ATM: variants seen among roughly 807,000 people sequenced by gnomAD.
ATM encodes ATM serine/threonine kinase.
Under a neutral mutation model 387.0 loss-of-function variants are expected in ATM, and 308 were observed. That is an observed-to-expected ratio of 0.80 (90% confidence interval 0.73 to 0.87). The LOEUF is 0.87. Among genes scored for constraint, ATM ranks in the 40% least tolerant of loss-of-function variants. The pLI, the probability that ATM is intolerant of heterozygous loss-of-function variation, is 0.00. For synonymous variants in ATM, 1,156 were observed against 1,187.3 expected (o/e 0.97, Z 0.54); for missense variants, 3,312 against 3,560.9 (o/e 0.93, Z 1.78).
In ATM at chr11:108,343,677, T is replaced by C. The variant is rs75498514; in HGVS notation, c.8418+306T>C. On this transcript the variant is annotated intron_variant, in intron 57 of 62. Coordinates refer to ENST00000675843, the MANE Select transcript of ATM (RefSeq NM_000051.4). ...CAAAACACTAAAATGCCAGGCACGA[T>C]GGCATGCACCTGTAATCCCAGCTAC... Among the ~76,000 whole-genome samples the C allele has an allele frequency of 2.6e-3, 395 of 152,290 alleles. 2 individuals carry two copies. Among genetic ancestry groups the C allele is most frequent in the African/African-American group, 9.2e-3 (382 of 41,560 alleles).
chr11:108,309,138 T>G, intron 38 of ATM: 1 of 890,372 alleles, frequency 1.1e-6, no homozygotes, highest in Non-Finnish European at 1.8e-6. Context: ...AAGCTTGTGC[T>G]GTGTAAAAAT....
chr11:108,299,461 C>G (rs540181242), intron 33 of ATM: 179 of 373,270 alleles, frequency 4.8e-4, no homozygotes, highest in Non-Finnish European at 8.6e-4. Context: ...CCACGCCTGG[C>G]TAATTTTGTA....
chr11:108,229,542 A>G, intron 4 of ATM: 1 of 481,366 alleles, frequency 2.1e-6, no homozygotes, highest in African/African-American at 2.0e-5. Context: ...TTTAGAAGGA[A>G]CAAAGAAATC....
At chr11:108,284,115 A>G (rs1280133675) in intron 25 of ATM, 112 bp from the exon 26 acceptor site, 2 of 784,672 alleles carry the variant, frequency 2.5e-6, no homozygotes, top group Non-Finnish European at 3.9e-6. Context: ...AATCTGGATA[A>G]AGTATGATAC....
chr11:108,299,711 T>C lies in ATM; in HGVS notation c.5006-3T>C, dbSNP rs761297488. 1.2e-6 allele frequency: 2 copies of C among 1,613,336 alleles called. No individual in the cohort carries two copies. Among genetic ancestry groups the C allele is most frequent in the African/African-American group, 2.7e-5 (2 of 74,922 alleles). On this transcript the variant is annotated splice_polypyrimidine_tract_variant and splice_region_variant and intron_variant, in intron 33 of 62. Coordinates refer to ENST00000675843, the MANE Select transcript of ATM (RefSeq NM_000051.4). ...TCTACTGAAATAGAATTTCTATATG[T>C]AGAGGCTGTTGGAAGCTGCTTGGGA...
intron 4 of ATM, among the ~76,000 whole-genome samples, chr11:108,233,037 T>G (rs919035905): frequency 2.0e-5 from 3 of 152,100 alleles, no homozygotes; most frequent in African/African-American, 4.8e-5. Flanking sequence ...TAATTTTGTA[T>G]TTTTAGTAGA....
chr11:108,304,470 T>C (rs148606456), intron 36 of ATM, among the ~76,000 whole-genome samples: 42 of 152,358 alleles, frequency 2.8e-4, no homozygotes, highest in African/African-American at 9.4e-4. Context: ...TTGATATTGA[T>C]ATACTAGCCT....
intron 39 of ATM, 88 bp from the exon 40 acceptor site, chr11:108,312,322 GT>G: frequency 1.0e-6 from 1 of 996,560 alleles, no homozygotes; most frequent in African/African-American, 1.6e-5. Context: ...ACCTTCATTA[GT>G]TTTTTTCTGT....
chr11:108,359,477 A>G (rs1254803461), intron 61 of ATM, among the ~76,000 whole-genome samples: 1 of 152,024 alleles, frequency 6.6e-6, no homozygotes, highest in African/African-American at 2.4e-5. Flanking sequence ...CTCCACCCCA[A>G]ATCAACAGAA....
chr11:108,316,977 A>T (rs1174372834), intron 42 of ATM, among the ~76,000 whole-genome samples: 1 of 151,544 alleles, frequency 6.6e-6, no homozygotes, highest in Non-Finnish European at 1.5e-5. Flanking sequence ...CCTGTTACTG[A>T]TGCTGGAGTG....
intron 24 of ATM, among the ~76,000 whole-genome samples, chr11:108,282,440 A>G (rs45489895): frequency 1.7e-3 from 260 of 152,202 alleles, no homozygotes; most frequent in Non-Finnish European, 3.1e-3. Flanking sequence ...TTTTACATTA[A>G]ATCTTCCTTT....
At chr11:108,236,534 T>TAAAAAA (rs11418587) in intron 5 of ATM, 1 of 141,750 alleles carries the variant, frequency 7.1e-6, no homozygotes, top group Non-Finnish European at 1.5e-5. Context: ...TGTTTCCATT[T>TAAAAAA]AAAAAAAAAA....
intron 52 of ATM, among the ~76,000 whole-genome samples, chr11:108,332,502 T>TA (rs1456830665): frequency 6.6e-6 from 1 of 152,186 alleles, no homozygotes; most frequent in Non-Finnish European, 1.5e-5. Flanking sequence ...GCATAGGAGA[T>TA]ACCAGTAGTA....
intron 43 of ATM, among the ~76,000 whole-genome samples, chr11:108,318,722 A>C (rs562445258): frequency 1.3e-5 from 2 of 152,082 alleles, no homozygotes; most frequent in Non-Finnish European, 2.9e-5. Context: ...TTACCCAGGA[A>C]GATAACATTT....
chr11:108,355,829 T>C (rs1043851092), intron 61 of ATM: 3 of 152,238 alleles, frequency 2.0e-5, no homozygotes, highest in African/African-American at 7.2e-5. Flanking sequence ...CTGTGGTCAA[T>C]AAGGGTGGGG....
At chr11:108,332,096 ATTTC>A (rs1340300913) in intron 52 of ATM, 59 bp downstream of exon 52, 72 of 1,589,768 alleles carry the variant, frequency 4.5e-5, no homozygotes, top group Non-Finnish European at 6.0e-5. Flanking sequence ...TTCCTAGAAT[ATTTC>A]TTTTTAAAAT....
At chr11:108,327,542 A>T in intron 47 of ATM, 103 bp from the exon 48 acceptor site, 1 of 929,898 alleles carries the variant, frequency 1.1e-6, no homozygotes. Flanking sequence ...CCCACCCACC[A>T]AGGAAAAACA....
chr11:108,244,632 G>C (rs2079740049), intron 6 of ATM, among the ~76,000 whole-genome samples, 156 bp from the exon 7 acceptor site: 1 of 6,518 alleles, frequency 1.5e-4, no homozygotes, highest in African/African-American at 1.4e-3. Context: ...GTAATGCTGT[G>C]ATTTTTTTTT....
chr11:108,310,375 T>C (rs2084048180), intron 39 of ATM, 60 bp downstream of exon 39: 1 of 1,497,766 alleles, frequency 6.7e-7, no homozygotes. Flanking sequence ...TCAATAAGGG[T>C]ATATAGTAAA....
Sources: allele counts gnomAD v4.1 joint callset (sites outside exome capture counted in the v4.1 genomes callset), GRCh38; gene constraint gnomAD v4.1.1; transcripts MANE v1.5; gene names NCBI Gene and HGNC (gene_info 2026-07-23, HGNC 2026-07-21).